Variants in CDH4 observed in about 807,000 individuals in gnomAD.
The protein encoded by CDH4 is cadherin-4.
CDH4 carries 33 observed loss-of-function variants against 86.0 expected under a neutral mutation model. The observed-to-expected ratio is 0.38, with a 90% confidence interval of 0.29 to 0.51. The LOEUF (loss-of-function observed/expected upper bound fraction) is 0.51. CDH4 is among the 20% of genes least tolerant of loss of function. The probability of loss-of-function intolerance (pLI) is 0.86; values close to 1 mark genes in which losing one functional copy is unlikely to be tolerated. For synonymous variants in CDH4, 555 were observed against 549.4 expected, an observed-to-expected ratio of 1.01 and a Z score of -0.14; for missense variants, 1,114 against 1,307.4, an observed-to-expected ratio of 0.85 and a Z score of 2.28.
chr20:61,841,558 G>C (rs1982172594), intron 4 of CDH4, among the ~76,000 whole-genome samples: 1 of 152,190 alleles, frequency 6.6e-6, no homozygotes, highest in South Asian at 2.1e-4. Flanking sequence ...TCCGTTGGAG[G>C]CTTTTCCCAT....
intron 2 of CDH4, among the ~76,000 whole-genome samples, chr20:61,565,384 G>C (rs1188540605): frequency 4.7e-5 from 1 of 21,128 alleles, no homozygotes; most frequent in Non-Finnish European, 7.4e-5. Flanking sequence ...GGTCCTCTTG[G>C]TGATGGGGTG....
chr20:61,582,937 C>T lies in CDH4; in HGVS notation c.170-160626C>T, dbSNP rs1262291535. Among the ~76,000 whole-genome samples, 1 of 152,084 alleles carries T rather than the reference C, an allele frequency of 6.6e-6. No individual in the cohort carries two copies. Among genetic ancestry groups the T allele is most frequent in the Non-Finnish European group, 1.5e-5 (1 of 68,012 alleles). On this transcript the variant is annotated intron_variant, in intron 2 of 15. Transcript: ENST00000614565. The surrounding 1 kb of genome is among the most constrained non-coding windows in gnomAD (Gnocchi z 4.2). The stretch of plus-strand genomic sequence containing the variant: ...ACCCTTGGCTGTCCGCCTTCTGCGC[C>T]CCCATGGCCCCCGGCCCTAGGCAGC...
chr20:61,411,185 C>A (rs1336739632), intron 2 of CDH4, among the ~76,000 whole-genome samples: 3 of 151,772 alleles, frequency 2.0e-5, no homozygotes, highest in East Asian at 1.9e-4. Flanking sequence ...TATTCCATGA[C>A]CAACAAGGCT....
At chr20:61,624,724 G>T (rs1294082165) in intron 2 of CDH4, among the ~76,000 whole-genome samples, 2 of 152,350 alleles carry the variant, frequency 1.3e-5, no homozygotes, top group East Asian at 3.9e-4. Flanking sequence ...TGAATTCTCT[G>T]TTGAGGAGAA....
intron 2 of CDH4, chr20:61,570,799 C>T: frequency 2.8e-6 from 2 of 702,116 alleles, no homozygotes. Flanking sequence ...TGCTAATTAC[C>T]TTCTCTGCCG....
intron 4 of CDH4, among the ~76,000 whole-genome samples, chr20:61,800,699 G>A (rs6089508): frequency 0.02 from 3,017 of 152,156 alleles, 34 homozygotes; most frequent in Middle Eastern, 0.051. Context: ...GGCAGTGCCC[G>A]GCTCAAGGCA....
intron 2 of CDH4, among the ~76,000 whole-genome samples, chr20:61,584,700 A>G (rs2086456659): frequency 6.6e-6 from 1 of 152,216 alleles, no homozygotes; most frequent in African/African-American, 2.4e-5. Context: ...ATGTGTGCTT[A>G]GTGGGGGTGG....
chr20:61,468,688 CT>C (rs552675640), intron 2 of CDH4, among the ~76,000 whole-genome samples: 30 of 152,314 alleles, frequency 2.0e-4, no homozygotes, highest in African/African-American at 6.7e-4. Flanking sequence ...CCACTCCCCC[CT>C]GCCAGCCTGT....
intron 6 of CDH4, among the ~76,000 whole-genome samples, chr20:61,857,782 T>C (rs1416768355): frequency 6.6e-6 from 1 of 152,280 alleles, no homozygotes; most frequent in Non-Finnish European, 1.5e-5. Flanking sequence ...GGGTGATATC[T>C]TGCAGAACCG....
intron 2 of CDH4, among the ~76,000 whole-genome samples, chr20:61,378,801 T>C (rs1277326572): frequency 6.6e-6 from 1 of 152,184 alleles, no homozygotes; most frequent in Non-Finnish European, 1.5e-5. Flanking sequence ...TGGAAGTATT[T>C]CTAGATTCAC....
intron 2 of CDH4, chr20:61,436,903 C>T (rs1444058854): frequency 6.6e-6 from 1 of 152,438 alleles, no homozygotes; most frequent in Non-Finnish European, 1.5e-5. Flanking sequence ...TTTTTAGATG[C>T]TCCATACCAG....
chr20:61,608,677 G>A (rs766019307), intron 2 of CDH4, among the ~76,000 whole-genome samples: 2 of 152,342 alleles, frequency 1.3e-5, no homozygotes, highest in East Asian at 1.9e-4. Context: ...CATGTTGGAC[G>A]CTGTGCTCTC....
rs1459063469 is a variant in CDH4, at chr20:61,703,370, A to G, written c.170-40193A>G. ...AGAAAATAGGCCTGGCAGGATGGAC[A>G]CAGTTGATACTCGAGCGTGAATGGA... On this transcript the variant is annotated intron_variant, in intron 2 of 15. Transcript: ENST00000614565. The surrounding 1 kb of genome is among the most constrained non-coding windows in gnomAD (Gnocchi z 4.3). Among the ~76,000 whole-genome samples the G allele has an allele frequency of 6.6e-6, 1 of 152,202 alleles. No homozygotes were observed. The highest frequency in any genetic ancestry group is 6.5e-5 in the Admixed American group (1 of 15,284).
At chr20:61,704,134 G>A (rs1014372209) in intron 2 of CDH4, among the ~76,000 whole-genome samples, 1 of 152,072 alleles carries the variant, frequency 6.6e-6, no homozygotes, top group African/African-American at 2.4e-5. Flanking sequence ...TGGGGGTCAG[G>A]ACAGTCCTCG....
In CDH4 at chr20:61,272,969, T is replaced by C. The variant is rs1423013330; in HGVS notation, c.169+18032T>C. Among the ~76,000 whole-genome samples, 22 of 78,150 alleles carry C rather than the reference T, an allele frequency of 2.8e-4. 1 individual carries two copies. The highest frequency in any genetic ancestry group is 1.2e-3 in the African/African-American group (21 of 18,084). The allele number at this position is 78,150 out of a possible 152,430, so 51.3% of individuals were successfully genotyped here. A position where few individuals can be genotyped will look rare whatever the true frequency, so the allele number is the denominator to read the frequency against. On this transcript the variant is annotated intron_variant, in intron 2 of 15. Transcript: ENST00000614565. ...TTGGGGGAGTATTGGGGGAGTACCA[T>C]GTGCAGTTTTGGGGAGTACCGTGTG...
intron 9 of CDH4, among the ~76,000 whole-genome samples, chr20:61,916,022 C>T (rs1022570384): frequency 1.3e-5 from 2 of 152,164 alleles, no homozygotes; most frequent in Non-Finnish European, 2.9e-5. Flanking sequence ...GTTCTTACTC[C>T]ATATAGTGCT....
intron 2 of CDH4, among the ~76,000 whole-genome samples, chr20:61,458,800 G>C (rs1292768126): frequency 1.3e-5 from 2 of 151,954 alleles, no homozygotes; most frequent in Non-Finnish European, 2.9e-5. Flanking sequence ...AGTAGTGGTG[G>C]TGGCAATGAG....
chr20:61,644,356 G>C (rs886978213), intron 2 of CDH4, among the ~76,000 whole-genome samples: 1 of 152,192 alleles, frequency 6.6e-6, no homozygotes, highest in Non-Finnish European at 1.5e-5. Flanking sequence ...GATGCACAGG[G>C]CTGCGCAGAG....
chr20:61,407,053 A>G (rs2145486629), intron 2 of CDH4, among the ~76,000 whole-genome samples: 1 of 151,852 alleles, frequency 6.6e-6, no homozygotes, highest in East Asian at 1.9e-4. Context: ...TGCCCGGACC[A>G]CCATCTGCTC....
Sources: allele counts gnomAD v4.1 joint callset (sites outside exome capture counted in the v4.1 genomes callset), GRCh38; gene constraint gnomAD v4.1.1; non-coding constraint Gnocchi (gnomAD v3.1); transcripts MANE v1.5; gene names NCBI Gene and HGNC (gene_info 2026-07-23, HGNC 2026-07-21).